CSNK1A1: variants seen among roughly 807,000 people sequenced by gnomAD.
The protein encoded by CSNK1A1 is casein kinase I isoform alpha.
Under a neutral mutation model 46.1 loss-of-function variants are expected in CSNK1A1, and 7 were observed. That is an observed-to-expected ratio of 0.15 (90% CI 0.09 to 0.29). The LOEUF (loss-of-function observed/expected upper bound fraction) is 0.29, where lower values mean the gene tolerates loss of function less well. CSNK1A1 is among the 10% of genes least tolerant of loss of function. The pLI is 1.00. For synonymous variants in CSNK1A1, 137 were observed against 141.5 expected (o/e 0.97, Z 0.23); for missense variants, 96 against 417.1 (o/e 0.23, Z 6.71).
Position 149,504,653 on chromosome 5 carries a change from C to T in CSNK1A1, c.1006+794G>A, listed in dbSNP as rs1052256182. 7.1e-6 allele frequency: 7 copies of T among 985,268 alleles called. No individual in the cohort carries two copies. The Admixed American group carries it at 1.8e-4, about 26-fold the overall frequency. 61.0% of individuals were successfully genotyped at this position (985,268 alleles called of 1,614,324 possible). A position where few individuals can be genotyped will look rare whatever the true frequency, so the allele number is the denominator to read the frequency against. On this transcript the variant is annotated intron_variant, in intron 9 of 9. Coordinates refer to ENST00000377843, the MANE Select transcript of CSNK1A1 (RefSeq NM_001892.6). Reference sequence around the variant, plus strand: ...AAAAGTAGAAAGGAAATAAGACTAGCGGTTTCAATGGCATTTGCCCCAGTT... The same window carrying T: ...AAAAGTAGAAAGGAAATAAGACTAGTGGTTTCAATGGCATTTGCCCCAGTT...
Position 149,550,383 on chromosome 5 carries a change from C to T in CSNK1A1, c.124-202G>A, listed in dbSNP as rs527580590. On this transcript the variant is annotated intron_variant, in intron 1 of 9. Transcript: ENST00000377843. The surrounding 1 kb of genome is among the most constrained non-coding windows in gnomAD (Gnocchi z 4.3). The stretch of plus-strand genomic sequence containing the variant: ...GGGGGTAGTGACGAAATCCGTACGT[C>T]CTCTAAAGTGCAGGAAAATGATTCA... 9 of 1,366,760 alleles carry T rather than the reference C, an allele frequency of 6.6e-6. No individual in the cohort carries two copies. The highest frequency in any genetic ancestry group is 5.5e-4 in the Middle Eastern group (2 of 3,624). 84.7% of individuals were successfully genotyped at this position (1,366,760 alleles called of 1,614,324 possible). A position where few individuals can be genotyped will look rare whatever the true frequency, so the allele number is the denominator to read the frequency against.
chr5:149,533,052 T>C (rs1313787194), intron 2 of CSNK1A1, among the ~76,000 whole-genome samples: 1 of 152,220 alleles, frequency 6.6e-6, no homozygotes, highest in African/African-American at 2.4e-5. Flanking sequence ...CTTACAACAT[T>C]ACCCCCAAGA....
intron 4 of CSNK1A1, 73 bp from the exon 5 acceptor site, chr5:149,513,282 G>T (rs1387614068): frequency 2.2e-6 from 3 of 1,374,184 alleles, no homozygotes; most frequent in Non-Finnish European, 3.0e-6. Flanking sequence ...TCATTAAATG[G>T]TATCTATTCT....
At chr5:149,513,857 G>A (rs1761313184) in intron 4 of CSNK1A1, among the ~76,000 whole-genome samples, 4 of 150,856 alleles carry the variant, frequency 2.7e-5, no homozygotes, top group African/African-American at 7.3e-5. Context: ...CCAAGACCGC[G>A]TCACTGCACT....
At chr5:149,519,371 A>G (rs1761496479) in intron 4 of CSNK1A1, among the ~76,000 whole-genome samples, 1 of 152,114 alleles carries the variant, frequency 6.6e-6, no homozygotes, top group Non-Finnish European at 1.5e-5. Context: ...AAAAGCCACA[A>G]AAAAACAAAA....
At chr5:149,497,843 C>CTT in intron 9 of CSNK1A1, 1 of 971,634 alleles carries the variant, frequency 1.0e-6, no homozygotes, top group Non-Finnish European at 1.2e-6. Flanking sequence ...GTTCTTTTTT[C>CTT]TTTTTTTTTG....
intron 3 of CSNK1A1, among the ~76,000 whole-genome samples, chr5:149,524,650 T>C (rs372442437): frequency 1.3e-5 from 2 of 152,172 alleles, no homozygotes; most frequent in African/African-American, 2.4e-5. Context: ...CTCAAAAATA[T>C]AGCTTTTCTA....
intron 5 of CSNK1A1, among the ~76,000 whole-genome samples, 160 bp from the exon 6 acceptor site, chr5:149,512,032 A>C (rs1303006477): frequency 6.6e-6 from 1 of 152,182 alleles, no homozygotes; most frequent in African/African-American, 2.4e-5. Flanking sequence ...TAAAAAGTTC[A>C]TGTGTTACCT....
rs1390328797 is a variant in CSNK1A1, at chr5:149,528,288, A to G, written c.231-3117T>C. The stretch of plus-strand genomic sequence containing the variant: ...AGCTAAAAAAAAATAAGCGTCTCAA[A>G]GGCATTTTACCTTGTGGAGCAACCA... On this transcript the variant is annotated intron_variant, in intron 2 of 9. Coordinates refer to ENST00000377843, the MANE Select transcript of CSNK1A1 (RefSeq NM_001892.6). 4.6e-5 allele frequency among the ~76,000 whole-genome samples: 7 copies of G among 152,330 alleles called. No homozygotes were observed. In the Middle Eastern group the frequency reaches 0.01, roughly 222 times the overall value.
At chr5:149,502,324 T>C (rs1217790373) in intron 9 of CSNK1A1, 1 of 968,260 alleles carries the variant, frequency 1.0e-6, no homozygotes, top group Non-Finnish European at 1.2e-6. Context: ...CTGTGAAGAG[T>C]AATATAAAAA....
Position 149,506,489 on chromosome 5 carries a change from G to A in CSNK1A1, c.857+538C>T, listed in dbSNP as rs150420886. Reference sequence around the variant, plus strand: ...TGACCTCAAGCGATCTGCCCGCCTCGGCCTCCCAAAGTGCTGGGATTACAG... The same window carrying A: ...TGACCTCAAGCGATCTGCCCGCCTCAGCCTCCCAAAGTGCTGGGATTACAG... On this transcript the variant is annotated intron_variant, in intron 8 of 9. Transcript: ENST00000377843. 4.2e-3 allele frequency among the ~76,000 whole-genome samples: 638 copies of A among 152,184 alleles called. 5 individuals are homozygous for A. Among genetic ancestry groups the A allele is most frequent in the African/African-American group, 0.015 (608 of 41,534 alleles).
chr5:149,551,187 C>G lies in CSNK1A1; in HGVS notation c.-223G>C. The G allele has an allele frequency of 2.4e-6, 1 of 414,778 alleles. No homozygotes were observed. The highest frequency in any genetic ancestry group is 4.4e-6 in the Non-Finnish European group (1 of 229,490). 25.7% of individuals were successfully genotyped at this position (414,778 alleles called of 1,614,324 possible). A position where few individuals can be genotyped will look rare whatever the true frequency, so the allele number is the denominator to read the frequency against. On this transcript the variant is annotated 5_prime_UTR_variant, in exon 1 of 10. Coordinates refer to ENST00000377843, the MANE Select transcript of CSNK1A1 (RefSeq NM_001892.6). The stretch of plus-strand genomic sequence containing the variant: ...CCAGGCCGCAGTTTGTGAAGGGCTT[C>G]TCGGCGGTTACCAGGCTGGGCCACT...
At position 149,517,766 on chromosome 5, in the gene CSNK1A1, GAGGTTGGAAT is replaced by G. The variant is rs1440890239; in HGVS notation, c.456+2514_456+2523del. 2 of 1,374,274 alleles carry G rather than the reference GAGGTTGGAAT, an allele frequency of 1.5e-6. No individual in the cohort carries two copies. The allele number at this position is 1,374,274 out of a possible 1,614,324, so 85.1% of individuals were successfully genotyped here. On this transcript the variant is annotated intron_variant, in intron 4 of 9. Coordinates refer to ENST00000377843, the MANE Select transcript of CSNK1A1 (RefSeq NM_001892.6). This position sits in a 1 kb window ranked among gnomAD's most constrained non-coding sequence, Gnocchi z 4.4. The stretch of plus-strand genomic sequence containing the variant: ...AAGAAAAGCACATGAATTTGGGATT[GAGGTTGGAAT>G]AGGAGACAGTTTCAGACCTGGTTTA...
At chr5:149,521,093 A>C (rs533335339) in intron 3 of CSNK1A1, among the ~76,000 whole-genome samples, 1 of 152,070 alleles carries the variant, frequency 6.6e-6, no homozygotes, top group South Asian at 2.1e-4. Context: ...ACTTTTTCCT[A>C]CTATAAATAA....
At chr5:149,510,991 T>C (rs1334210615) in intron 6 of CSNK1A1, among the ~76,000 whole-genome samples, 1 of 152,084 alleles carries the variant, frequency 6.6e-6, no homozygotes, top group African/African-American at 2.4e-5. Context: ...TAAATACAGG[T>C]ATTCCTTCAA....
intron 2 of CSNK1A1, among the ~76,000 whole-genome samples, chr5:149,535,069 G>A (rs1762023732): frequency 6.6e-6 from 1 of 152,132 alleles, no homozygotes; most frequent in African/African-American, 2.4e-5. Flanking sequence ...ACTTTACTGA[G>A]CACCTGTTGG....
chr5:149,539,179 T>C (rs2113169402), intron 2 of CSNK1A1, among the ~76,000 whole-genome samples: 1 of 152,308 alleles, frequency 6.6e-6, no homozygotes, highest in African/African-American at 2.4e-5. Context: ...ATATGTACTT[T>C]CTGGTACTTT....
At chr5:149,523,958 C>T (rs2113124201) in intron 3 of CSNK1A1, among the ~76,000 whole-genome samples, 1 of 152,216 alleles carries the variant, frequency 6.6e-6, no homozygotes, top group South Asian at 2.1e-4. Context: ...TCTCTTCATC[C>T]CTCTGAATTT....
intron 9 of CSNK1A1, chr5:149,502,457 C>T: frequency 2.8e-6 from 1 of 361,632 alleles, no homozygotes. Flanking sequence ...ATACTCCCAC[C>T]TCAGCCTCCC....
Sources: allele counts gnomAD v4.1 joint callset (sites outside exome capture counted in the v4.1 genomes callset), GRCh38; gene constraint gnomAD v4.1.1; non-coding constraint Gnocchi (gnomAD v3.1); transcripts MANE v1.5; gene names NCBI Gene and HGNC (gene_info 2026-07-23, HGNC 2026-07-21).